The following PCSK5 variants were observed in gnomAD, a reference collection of about 807,000 sequenced individuals.
The protein encoded by PCSK5 is proprotein convertase subtilisin/kexin type 5.
A neutral mutation model predicts 233.2 loss-of-function variants in PCSK5; 129 were observed. The ratio of observed to expected loss-of-function variants is 0.55; its 90% CI spans 0.48 to 0.64. PCSK5 has a LOEUF of 0.64. PCSK5 is among the 30% of genes least tolerant of loss of function. PCSK5 has a pLI of 0.00. For synonymous variants in PCSK5, 825 were observed against 879.2 expected (o/e 0.94, Z 1.09); for missense variants, 2,076 against 2,430.1 (o/e 0.85, Z 3.06).
intron 27 of PCSK5, among the ~76,000 whole-genome samples, chr9:76,297,166 C>T (rs553928562): frequency 1.3e-5 from 2 of 152,076 alleles, no homozygotes; most frequent in East Asian, 1.9e-4. Context: ...AAGAGAGTCA[C>T]GGAGGGAAAT....
At chr9:76,310,963 C>A in intron 30 of PCSK5, 112 bp downstream of exon 30, 1 of 706,528 alleles carries the variant, frequency 1.4e-6, no homozygotes, top group Non-Finnish European at 2.3e-6. Context: ...CGAGCACCCA[C>A]ATAAATGTCC....
chr9:76,321,036 G>A (rs1051987678), intron 30 of PCSK5, among the ~76,000 whole-genome samples: 4 of 151,096 alleles, frequency 2.6e-5, no homozygotes, highest in Admixed American at 1.3e-4. Context: ...GAATGGTCTC[G>A]ATCTCCTGAC....
At chr9:76,121,747 C>G (rs973397459) in intron 9 of PCSK5, among the ~76,000 whole-genome samples, 1 of 151,676 alleles carries the variant, frequency 6.6e-6, no homozygotes, top group Non-Finnish European at 1.5e-5. Flanking sequence ...AGGAAACCAT[C>G]TGGCCTCAAA....
intron 1 of PCSK5, among the ~76,000 whole-genome samples, chr9:75,913,508 G>A (rs1331645312): frequency 3.3e-5 from 5 of 152,138 alleles, no homozygotes; most frequent in Non-Finnish European, 2.9e-5. Context: ...AAACTTCAGG[G>A]TCTTACCCAG....
intron 10 of PCSK5, among the ~76,000 whole-genome samples, chr9:76,146,546 A>G (rs200467250): frequency 4.8e-5 from 6 of 125,460 alleles, no homozygotes; most frequent in African/African-American, 8.8e-5. Flanking sequence ...ATATATGTGT[A>G]TATATATATT....
intron 24 of PCSK5, among the ~76,000 whole-genome samples, chr9:76,279,626 CTCATTGTGGTTT>C (rs1403651006): frequency 6.6e-6 from 1 of 151,614 alleles, no homozygotes. Flanking sequence ...GAGATGATAT[CTCATTGTGGTTT>C]TGATTTGCAT....
intron 15 of PCSK5, among the ~76,000 whole-genome samples, 155 bp downstream of exon 15, chr9:76,179,853 G>A (rs1823768945): frequency 1.3e-5 from 2 of 152,084 alleles, no homozygotes; most frequent in South Asian, 2.1e-4. Flanking sequence ...TGTGCAGGCC[G>A]ACTGCCTCCC....
At chr9:76,335,079 AAAAC>A (rs368202485) in intron 34 of PCSK5, among the ~76,000 whole-genome samples, 7 of 152,308 alleles carry the variant, frequency 4.6e-5, no homozygotes, top group Middle Eastern at 3.4e-3. Context: ...CCCTGTCTTA[AAAAC>A]AAACAAACAA....
At chr9:75,897,513 A>G (rs62559213) in intron 1 of PCSK5, among the ~76,000 whole-genome samples, 1 of 114,290 alleles carries the variant, frequency 8.7e-6, no homozygotes, top group Non-Finnish European at 1.8e-5. Context: ...TTTTTTCCCG[A>G]AACGGAGTCT....
At chr9:76,147,669 C>A (rs1053925908) in intron 10 of PCSK5, among the ~76,000 whole-genome samples, 2 of 152,168 alleles carry the variant, frequency 1.3e-5, no homozygotes, top group Admixed American at 6.5e-5. Flanking sequence ...AGTCGCCCCC[C>A]ATATGTAATG....
rs146649446 is a variant in PCSK5 at position 76,025,539 on chromosome 9, T to C, written c.556-1422T>C. 2.6e-3 allele frequency among the ~76,000 whole-genome samples: 389 copies of C among 152,240 alleles called. 2 individuals are homozygous for C. The highest frequency in any genetic ancestry group is 8.9e-3 in the African/African-American group (371 of 41,556). On this transcript the variant is annotated intron_variant, in intron 4 of 37. Transcript: ENST00000674117. ...AAGGAGGAAGCAGCCCATTTTTCAT[T>C]TGATAGTAAGATGTTGAGTCACCAT... is the stretch of plus-strand genomic sequence containing the variant.
At chr9:76,080,787 T>C (rs936218356) in intron 7 of PCSK5, among the ~76,000 whole-genome samples, 4 of 152,210 alleles carry the variant, frequency 2.6e-5, no homozygotes, top group African/African-American at 9.6e-5. Flanking sequence ...CTGTAAAATA[T>C]TCAGCAGAGC....
At chr9:76,249,252 CACA>C (rs1366730445) in intron 24 of PCSK5, among the ~76,000 whole-genome samples, 1 of 152,090 alleles carries the variant, frequency 6.6e-6, no homozygotes, top group Non-Finnish European at 1.5e-5. Flanking sequence ...ACTGCTCCCC[CACA>C]ACAAAGAAAT....
At chr9:76,263,079 T>C (rs917117630) in intron 24 of PCSK5, among the ~76,000 whole-genome samples, 4 of 151,990 alleles carry the variant, frequency 2.6e-5, no homozygotes, top group Non-Finnish European at 4.4e-5. Flanking sequence ...CACAATGAGA[T>C]ATCATCTCAC....
At chr9:76,106,871 G>C (rs150212640) in intron 8 of PCSK5, among the ~76,000 whole-genome samples, 2 of 152,218 alleles carry the variant, frequency 1.3e-5, no homozygotes, top group African/African-American at 4.8e-5. Flanking sequence ...CAATGTGCTT[G>C]ATTATTTTAA....
chr9:75,968,078 T>C (rs904930293), intron 2 of PCSK5, among the ~76,000 whole-genome samples: 6 of 152,216 alleles, frequency 3.9e-5, no homozygotes, highest in African/African-American at 1.4e-4. Context: ...CAGCCTTTTA[T>C]AGTTAACTGC....
rs375843831 is a variant in PCSK5 at position 76,239,493 on chromosome 9, G to A, written c.3073+328G>A. 3.9e-5 allele frequency among the ~76,000 whole-genome samples: 6 copies of A among 152,084 alleles called. No individual in the cohort carries two copies. In the East Asian group the frequency reaches 7.7e-4, roughly 20 times the overall value. ...GTGGATCACTTGAGGCCAGGAGTTCGAGACCAGCCTGGGGGAACACGGTGA... is the reference window on the plus strand; with the variant it reads ...GTGGATCACTTGAGGCCAGGAGTTCAAGACCAGCCTGGGGGAACACGGTGA... On this transcript the variant is annotated intron_variant, in intron 23 of 37. Transcript: ENST00000674117.
At position 75,891,258 on chromosome 9, in the gene PCSK5, T is replaced by C; in HGVS notation, c.77T>C (p.Leu26Pro). 6.5e-7 allele frequency: 1 copy of C among 1,528,288 alleles called. No homozygotes were observed. The highest frequency in any genetic ancestry group is 1.3e-5 in the South Asian group (1 of 78,086). 94.7% of individuals were successfully genotyped at this position (1,528,288 alleles called of 1,614,324 possible). A position where few individuals can be genotyped will look rare whatever the true frequency, so the allele number is the denominator to read the frequency against. ...GTGCTGGCGCTGCTCGGGGGCTGCCTGCTCCCCGTGTGTCGGACGCGCGTC... is the reference window on the plus strand; with the variant it reads ...GTGCTGGCGCTGCTCGGGGGCTGCCCGCTCCCCGTGTGTCGGACGCGCGTC... ...LCVLALLGGC[L>P]LPVCRTRVYT... Residue 26 changes from leucine (L) to proline (P), a missense_variant, in exon 1 of 38, where the codon CTG (leucine) becomes CCG (proline). Leu to Pro is a moderately conservative substitution (Grantham distance 98). Transcript: ENST00000674117.
intron 20 of PCSK5, chr9:76,193,541 G>GA (rs372445305): frequency 0.097 from 46,823 of 480,582 alleles, 2,214 homozygotes; most frequent in Admixed American, 0.16. Context: ...AACTTAAATG[G>GA]AAAAAAAAAT....
Sources: gnomAD v4.1 joint callset for allele counts (sites outside exome capture counted in the v4.1 genomes callset) on GRCh38, gnomAD v4.1.1 for gene constraint, MANE v1.5 for transcripts, NCBI Gene and HGNC (gene_info 2026-07-23, HGNC 2026-07-21) for gene names.